Variants in LOC400499 observed in about 807,000 individuals in gnomAD.
At chr16:11,457,086 C>T in the LOC400499 span, 1 of 1,471,454 alleles carries the variant, frequency 6.8e-7, no homozygotes, top group Admixed American at 2.2e-5. Flanking sequence ...TCATGCCACC[C>T]CTGGCGTAGA....
the LOC400499 span, among the ~76,000 whole-genome samples, chr16:11,516,712 C>T: frequency 6.6e-6 from 1 of 152,234 alleles, no homozygotes; most frequent in Non-Finnish European, 1.5e-5. Flanking sequence ...GTTGCCCAGG[C>T]TGAGCTCACT....
At chr16:11,464,453 G>A in the LOC400499 span, among the ~76,000 whole-genome samples, 10 of 152,336 alleles carry the variant, frequency 6.6e-5, no homozygotes, top group East Asian at 1.9e-3. Flanking sequence ...AATGTGTCAC[G>A]TCACCAGGCG....
the LOC400499 span, chr16:11,460,888 C>T: frequency 3.3e-5 from 48 of 1,441,876 alleles, no homozygotes; most frequent in Admixed American, 5.2e-5. Context: ...TCTCAGCTCA[C>T]GGAGCCACAG....
the LOC400499 span, among the ~76,000 whole-genome samples, chr16:11,458,383 T>A: frequency 6.6e-6 from 1 of 151,832 alleles, no homozygotes; most frequent in Non-Finnish European, 1.5e-5. Flanking sequence ...CAGGTGACTG[T>A]AATCCCAGCT....
chr16:11,484,165 G>A, the LOC400499 span, among the ~76,000 whole-genome samples: 85 of 151,764 alleles, frequency 5.6e-4, no homozygotes, highest in Middle Eastern at 3.4e-3. Context: ...CCACCACCAC[G>A]CCTGGCTAAT....
At chr16:11,452,201 GTTTGT>G in the LOC400499 span, among the ~76,000 whole-genome samples, 7 of 77,192 alleles carry the variant, frequency 9.1e-5, no homozygotes, top group Non-Finnish European at 2.2e-4. Flanking sequence ...CAGTTTTTTT[GTTTGT>G]TTTTTTTTTT....
At chr16:11,410,575 G>T in the LOC400499 span, among the ~76,000 whole-genome samples, 1 of 152,236 alleles carries the variant, frequency 6.6e-6, no homozygotes, top group South Asian at 2.1e-4. Flanking sequence ...AGCACATAGC[G>T]CATGCTCTGT....
chr16:11,492,639 G>A, the LOC400499 span, among the ~76,000 whole-genome samples: 2 of 152,004 alleles, frequency 1.3e-5, no homozygotes, highest in Non-Finnish European at 2.9e-5. Context: ...AAAAAAATTA[G>A]CCGGGCGTGG....
the LOC400499 span, among the ~76,000 whole-genome samples, chr16:11,436,428 G>A: frequency 6.6e-6 from 1 of 152,166 alleles, no homozygotes. Context: ...GGGGAGCAGT[G>A]GAGGGTGGGA....
the LOC400499 span, among the ~76,000 whole-genome samples, chr16:11,410,362 G>A: frequency 2.0e-5 from 3 of 152,218 alleles, no homozygotes; most frequent in Non-Finnish European, 4.4e-5. Context: ...GCTGGGGCAG[G>A]AGAATCGCTT....
At chr16:11,509,384 C>G in the LOC400499 span, among the ~76,000 whole-genome samples, 3 of 151,024 alleles carry the variant, frequency 2.0e-5, no homozygotes, top group East Asian at 6.0e-4. Context: ...TCCCAAAGTG[C>G]TGGGATTACA....
the LOC400499 span, among the ~76,000 whole-genome samples, chr16:11,455,307 G>C: frequency 1.3e-5 from 2 of 152,138 alleles, no homozygotes; most frequent in African/African-American, 4.8e-5. Flanking sequence ...ATCTTCTCTA[G>C]TAAGAAACCT....
the LOC400499 span, among the ~76,000 whole-genome samples, chr16:11,457,699 T>G: frequency 1.3e-5 from 2 of 151,640 alleles, no homozygotes; most frequent in Non-Finnish European, 2.9e-5. Flanking sequence ...ATCGAAAGCA[T>G]CAGATATTTG....
the LOC400499 span, among the ~76,000 whole-genome samples, chr16:11,512,390 G>C: frequency 1.3e-5 from 2 of 152,084 alleles, no homozygotes; most frequent in African/African-American, 4.8e-5. Flanking sequence ...GACACCTGAG[G>C]TCAGGAGTTT....
chr16:11,518,785 T>G, the LOC400499 span: 807 of 397,582 alleles, frequency 2.0e-3, 7 homozygotes, highest in African/African-American at 0.015. Context: ...CCCTAACCAA[T>G]TGTCCTAATC....
the LOC400499 span, among the ~76,000 whole-genome samples, chr16:11,457,929 C>T: frequency 4.9e-3 from 747 of 152,268 alleles, 4 homozygotes; most frequent in African/African-American, 0.017. Context: ...AGGACAGGCA[C>T]GGTGGCTCAC....
chr16:11,451,193 G>C, the LOC400499 span, among the ~76,000 whole-genome samples: 2 of 152,216 alleles, frequency 1.3e-5, no homozygotes, highest in African/African-American at 4.8e-5. Flanking sequence ...GAGGCAAGTG[G>C]GGTCAACTGT....
the LOC400499 span, chr16:11,465,567 A>T: frequency 2.0e-5 from 3 of 151,988 alleles, no homozygotes; most frequent in African/African-American, 7.3e-5. Context: ...CTGAGATGAA[A>T]ACGAGCCTAG....
the LOC400499 span, among the ~76,000 whole-genome samples, chr16:11,457,529 C>T: frequency 1.3e-5 from 2 of 148,496 alleles, no homozygotes; most frequent in African/African-American, 5.0e-5. Flanking sequence ...GGAGGCAGAG[C>T]TTGCAGTGAG....
Sources: gnomAD v4.1 joint callset for allele counts (sites outside exome capture counted in the v4.1 genomes callset) on GRCh38, gnomAD v4.1.1 for gene constraint, MANE v1.5 for transcripts.